TJP1: variants seen among roughly 807,000 people sequenced by gnomAD.
The protein encoded by TJP1 is tight junction protein 1.
Under a neutral mutation model 194.2 loss-of-function variants are expected in TJP1, and 43 were observed. The ratio of observed to expected loss-of-function variants is 0.22; its 90% CI spans 0.17 to 0.29. The LOEUF (loss-of-function observed/expected upper bound fraction) is 0.29. TJP1 is among the 10% of genes least tolerant of loss of function. The probability of loss-of-function intolerance (pLI) is 1.00; values close to 1 mark genes in which losing one functional copy is unlikely to be tolerated. For synonymous variants in TJP1, 801 were observed against 779.0 expected, an observed-to-expected ratio of 1.03 and a Z score of -0.47; for missense variants, 1,971 against 2,185.7, an observed-to-expected ratio of 0.90 and a Z score of 1.96.
chr15:29,794,026 A>G (rs1463378810), intron 2 of TJP1, among the ~76,000 whole-genome samples: 1 of 152,142 alleles, frequency 6.6e-6, no homozygotes, highest in African/African-American at 2.4e-5. Context: ...TTCTCTTCTT[A>G]GCTTTTGTGA....
intron 2 of TJP1, among the ~76,000 whole-genome samples, chr15:29,773,722 A>G (rs1436200884): frequency 6.6e-6 from 1 of 152,258 alleles, no homozygotes; most frequent in Non-Finnish European, 1.5e-5. Context: ...TTAGAAGATG[A>G]CAGACTTATC....
downstream of TJP1, chr15:29,700,121 A>AAAAC (rs535013702): frequency 2.7e-4 from 107 of 397,070 alleles, no homozygotes; most frequent in African/African-American, 2.1e-3. Context: ...ATGAAACTAG[A>AAAAC]AAACAGTGGG....
rs897882000 is a variant in TJP1, at chr15:29,760,379, T to C, written c.1010+760A>G. ...AGAACCTTTGGCATAAATACTAGTG[T>C]TTTGTTTTGTTTTTGAGAAAGAGTT... On this transcript the variant is annotated intron_variant, in intron 8 of 27. Transcript: ENST00000614355. 35 of 624,692 alleles carry C rather than the reference T, an allele frequency of 5.6e-5. 1 individual carries two copies. The African/African-American group carries it at 6.3e-4, about 11-fold the overall frequency. 38.7% of individuals were successfully genotyped at this position (624,692 alleles called of 1,614,324 possible).
rs1285726114 is a variant in TJP1 at position 29,949,619 on chromosome 15, A to T, written c.306+6613T>A. Among the ~76,000 whole-genome samples, 10 of 91,118 alleles carry T rather than the reference A, an allele frequency of 1.1e-4. 1 individual carries two copies. In the East Asian group the frequency reaches 1.4e-3, roughly 13 times the overall value. The allele number at this position is 91,118 out of a possible 152,430, so 59.8% of individuals were successfully genotyped here. On this transcript the variant is annotated intron_variant, in intron 2 of 28. Transcript: ENST00000356107. ...AACCACCACCTCCACCTTCACCACCACCACCTCCACCTCCACCACCTCCAC... is the reference window on the plus strand; with the variant it reads ...AACCACCACCTCCACCTTCACCACCTCCACCTCCACCTCCACCACCTCCAC...
chr15:29,775,859 C>A (rs144710053), intron 2 of TJP1, among the ~76,000 whole-genome samples: 27 of 152,012 alleles, frequency 1.8e-4, no homozygotes, highest in Non-Finnish European at 3.2e-4. Context: ...AAGGCTTAAA[C>A]GGCCCAATTT....
At chr15:29,842,286 T>C (rs1362119273) in intron 2 of TJP1, among the ~76,000 whole-genome samples, 1 of 152,192 alleles carries the variant, frequency 6.6e-6, no homozygotes, top group Non-Finnish European at 1.5e-5. Context: ...AGCATTGAAA[T>C]AAATGTGAGC....
intron 2 of TJP1, among the ~76,000 whole-genome samples, chr15:29,893,398 G>A (rs2053376011): frequency 6.6e-6 from 1 of 152,196 alleles, no homozygotes. Flanking sequence ...GGTTTGAGAG[G>A]ACTGGCTCCA....
At chr15:29,897,103 C>G (rs1429498772) in intron 2 of TJP1, among the ~76,000 whole-genome samples, 1 of 152,210 alleles carries the variant, frequency 6.6e-6, no homozygotes, top group Non-Finnish European at 1.5e-5. Flanking sequence ...GAGGTCTTCA[C>G]AGCAGTGCCC....
intron 16 of TJP1, among the ~76,000 whole-genome samples, chr15:29,727,485 G>GTAAGT (rs1555393864): frequency 6.6e-6 from 1 of 152,148 alleles, no homozygotes; most frequent in Non-Finnish European, 1.5e-5. Context: ...AAAACTAATT[G>GTAAGT]TAAGTTAACT....
intron 2 of TJP1, among the ~76,000 whole-genome samples, chr15:29,907,724 C>T (rs990568706): frequency 6.6e-6 from 1 of 152,096 alleles, no homozygotes; most frequent in Non-Finnish European, 1.5e-5. Flanking sequence ...GTTGTTTTAA[C>T]TTACCCATCA....
chr15:29,962,780 C>T (rs746293331), intron 1 of TJP1, among the ~76,000 whole-genome samples: 1 of 152,208 alleles, frequency 6.6e-6, no homozygotes, highest in Non-Finnish European at 1.5e-5. Context: ...AATAGGTTAA[C>T]AGTAAATAGT....
At chr15:29,889,794 T>C (rs549292994) in intron 2 of TJP1, among the ~76,000 whole-genome samples, 2 of 152,316 alleles carry the variant, frequency 1.3e-5, no homozygotes, top group Non-Finnish European at 2.9e-5. Flanking sequence ...CCCAGTGCTG[T>C]GAGACATTAT....
chr15:29,955,753 T>TAAAAGAAAA (rs2055912783), intron 2 of TJP1, among the ~76,000 whole-genome samples: 1 of 35,798 alleles, frequency 2.8e-5, no homozygotes, highest in Non-Finnish European at 5.0e-5. Context: ...CCTGGCTCTT[T>TAAAAGAAAA]AAAAAAAAAA....
intron 2 of TJP1, among the ~76,000 whole-genome samples, chr15:29,896,001 T>G (rs2053465936): frequency 6.6e-6 from 1 of 152,154 alleles, no homozygotes; most frequent in Non-Finnish European, 1.5e-5. Context: ...TGGGGCCTCT[T>G]CTACAAGTTC....
At chr15:29,808,598 T>C (rs1410696791) in intron 1 of TJP1, among the ~76,000 whole-genome samples, 1 of 152,176 alleles carries the variant, frequency 6.6e-6, no homozygotes. Flanking sequence ...ACAGTGATTT[T>C]AAAAAATGAT....
At chr15:29,951,945 G>A (rs908438471) in intron 2 of TJP1, among the ~76,000 whole-genome samples, 17 of 152,298 alleles carry the variant, frequency 1.1e-4, no homozygotes, top group Middle Eastern at 6.8e-3. Context: ...TTTTAGGAAG[G>A]AGGTTTAATA....
intron 27 of TJP1, among the ~76,000 whole-genome samples, chr15:29,701,931 T>C (rs558342917): frequency 1.5e-4 from 23 of 152,340 alleles, no homozygotes; most frequent in African/African-American, 5.3e-4. Context: ...ACTCACACCA[T>C]TAAGAACAGT....
At chr15:29,831,080 C>A (rs2050823965) in intron 2 of TJP1, among the ~76,000 whole-genome samples, 1 of 152,170 alleles carries the variant, frequency 6.6e-6, no homozygotes, top group Non-Finnish European at 1.5e-5. Flanking sequence ...CCAAAACAAA[C>A]AATAACCTAT....
upstream of TJP1, among the ~76,000 whole-genome samples, chr15:29,824,379 G>A (rs12911714): frequency 0.017 from 2,522 of 151,972 alleles, 30 homozygotes; most frequent in South Asian, 0.027. Context: ...AGAGGCGGAG[G>A]TTGCAATGAG....
Sources: allele counts gnomAD v4.1 joint callset (sites outside exome capture counted in the v4.1 genomes callset), GRCh38; gene constraint gnomAD v4.1.1; transcripts MANE v1.5; gene names NCBI Gene and HGNC (gene_info 2026-07-23, HGNC 2026-07-21).